Variants in ZNF804B observed in about 807,000 individuals in gnomAD.
ZNF804B encodes the protein zinc finger 804B.
In ZNF804B, 80 loss-of-function variants were observed where a neutral mutation model predicts 101.4. The ratio of observed to expected loss-of-function variants is 0.79; its 90% CI spans 0.66 to 0.95. ZNF804B has a LOEUF of 0.95. Ranked by LOEUF, ZNF804B falls within the 40% of genes least tolerant of loss-of-function variation. The probability of loss-of-function intolerance (pLI) is 0.00; values close to 1 mark genes in which losing one functional copy is unlikely to be tolerated. For synonymous variants in ZNF804B, 622 were observed against 558.8 expected (o/e 1.11, Z -1.59); for missense variants, 1,673 against 1,561.9 (o/e 1.07, Z -1.20).
chr7:89,333,781 A>G lies in ZNF804B; in HGVS notation c.799A>G (p.Arg267Gly). The G allele has an allele frequency of 6.2e-7, 1 of 1,612,920 alleles. No homozygotes were observed. Among genetic ancestry groups the G allele is most frequent in the African/African-American group, 1.3e-5 (1 of 74,962 alleles). Residue 267 changes from arginine to glycine, a missense_variant, in exon 4 of 4, where the codon AGG (arginine) becomes GGG (glycine). By Grantham distance (125) the Arg-to-Gly change is moderately radical. Coordinates refer to ENST00000333190, the MANE Select transcript of ZNF804B (RefSeq NM_181646.5). ...KQTADKCKCC[R>G]FANKDTHLTK... The stretch of plus-strand genomic sequence containing the variant: ...AACTGCAGATAAGTGCAAGTGCTGC[A>G]GGTTTGCAAATAAAGATACACACCT...
chr7:89,018,554 T>G (rs1338292745), intron 1 of ZNF804B, among the ~76,000 whole-genome samples: 1 of 152,078 alleles, frequency 6.6e-6, no homozygotes, highest in East Asian at 1.9e-4. Context: ...CTTGGAAGAA[T>G]TCCTTCCCCT....
intron 1 of ZNF804B, among the ~76,000 whole-genome samples, chr7:89,011,916 TG>T (rs755031618): frequency 9.2e-5 from 14 of 152,102 alleles, no homozygotes; most frequent in Non-Finnish European, 1.8e-4. Context: ...GGGGACACTG[TG>T]GGGGATCAAA....
chr7:89,034,555 C>G (rs2116236908), intron 1 of ZNF804B, among the ~76,000 whole-genome samples: 2 of 152,190 alleles, frequency 1.3e-5, no homozygotes, highest in East Asian at 3.9e-4. Context: ...CCAGCTTCAT[C>G]CATGTCCCTG....
chr7:89,159,878 G>A (rs1465597431), intron 1 of ZNF804B, among the ~76,000 whole-genome samples: 16 of 152,078 alleles, frequency 1.1e-4, no homozygotes, highest in Admixed American at 1.0e-3. Flanking sequence ...AAAGTCTTTG[G>A]ACACCTATCC....
At chr7:89,296,795 C>T (rs1334180241) in intron 2 of ZNF804B, among the ~76,000 whole-genome samples, 1 of 152,040 alleles carries the variant, frequency 6.6e-6, no homozygotes, top group Admixed American at 6.6e-5. Context: ...AAACAGAGAA[C>T]TTAATAGGTA....
chr7:89,007,594 T>C (rs1431929375), intron 1 of ZNF804B, among the ~76,000 whole-genome samples: 3 of 133,370 alleles, frequency 2.2e-5, no homozygotes, highest in Non-Finnish European at 4.7e-5. Flanking sequence ...ATTTATATAT[T>C]ATAATTATAT....
chr7:89,059,608 C>T (rs1489884722), intron 1 of ZNF804B, among the ~76,000 whole-genome samples: 1 of 152,110 alleles, frequency 6.6e-6, no homozygotes, highest in African/African-American at 2.4e-5. Flanking sequence ...GATCACATTT[C>T]AACATGAGAT....
At chr7:88,821,034 A>C (rs760922496) in intron 1 of ZNF804B, among the ~76,000 whole-genome samples, 4 of 152,188 alleles carry the variant, frequency 2.6e-5, no homozygotes, top group Non-Finnish European at 5.9e-5. Context: ...TCAAACCTCC[A>C]TGGGTATCTC....
At chr7:88,842,957 T>C (rs1791310502) in intron 1 of ZNF804B, among the ~76,000 whole-genome samples, 1 of 152,186 alleles carries the variant, frequency 6.6e-6, no homozygotes, top group Admixed American at 6.5e-5. Context: ...AATTGAAATA[T>C]GTTCATAATA....
At chr7:88,956,334 T>A (rs1401266353) in intron 1 of ZNF804B, among the ~76,000 whole-genome samples, 1 of 151,594 alleles carries the variant, frequency 6.6e-6, no homozygotes, top group Non-Finnish European at 1.5e-5. Flanking sequence ...GGAATCAATC[T>A]AAGTGTCCTA....
chr7:88,828,854 C>T (rs1791087072), intron 1 of ZNF804B, among the ~76,000 whole-genome samples: 1 of 151,840 alleles, frequency 6.6e-6, no homozygotes, highest in Admixed American at 6.6e-5. Flanking sequence ...TCTTAGATGC[C>T]ATCAAAGGTA....
intron 1 of ZNF804B, among the ~76,000 whole-genome samples, chr7:89,059,368 G>A (rs1789341658): frequency 1.3e-5 from 2 of 152,156 alleles, no homozygotes; most frequent in Admixed American, 6.5e-5. Flanking sequence ...TTCTGGTGAA[G>A]GCCTCAGGAA....
At chr7:89,211,095 G>A (rs1454984344) in intron 1 of ZNF804B, among the ~76,000 whole-genome samples, 1 of 152,184 alleles carries the variant, frequency 6.6e-6, no homozygotes, top group Admixed American at 6.5e-5. Flanking sequence ...AATGATCAGT[G>A]ATGTTGAGCT....
rs370950845 is a variant in ZNF804B, at chr7:89,196,930, G to A, written c.109-21225G>A. Among the ~76,000 whole-genome samples, 5 of 152,004 alleles carry A rather than the reference G, an allele frequency of 3.3e-5. No homozygotes were observed. In the South Asian group the frequency reaches 8.3e-4, roughly 25 times the overall value. ...AATCTACAATGAGAGAGCATCTCAC[G>A]CCAATCAGAATGGCTATTAGTAAAA... On this transcript the variant is annotated intron_variant, in intron 1 of 3. Transcript: ENST00000333190.
chr7:89,210,716 G>A (rs1788790375), intron 1 of ZNF804B, among the ~76,000 whole-genome samples: 1 of 152,128 alleles, frequency 6.6e-6, no homozygotes, highest in African/African-American at 2.4e-5. Flanking sequence ...TGGTGTCTAT[G>A]TACCACATTT....
At chr7:88,926,548 C>T (rs1792801100) in intron 1 of ZNF804B, among the ~76,000 whole-genome samples, 1 of 151,874 alleles carries the variant, frequency 6.6e-6, no homozygotes. Context: ...GAGGAGGTTA[C>T]ACTGAGCCGA....
chr7:88,940,186 A>G (rs893258439), intron 1 of ZNF804B, among the ~76,000 whole-genome samples: 19 of 152,148 alleles, frequency 1.2e-4, no homozygotes, highest in Middle Eastern at 3.4e-3. Flanking sequence ...GAGGAGAGCA[A>G]TCAGATACAT....
intron 1 of ZNF804B, among the ~76,000 whole-genome samples, chr7:89,154,260 G>A (rs1034222406): frequency 6.6e-6 from 1 of 152,050 alleles, no homozygotes; most frequent in Non-Finnish European, 1.5e-5. Context: ...TATAGAAAAG[G>A]GAACACTTAT....
intron 1 of ZNF804B, among the ~76,000 whole-genome samples, chr7:89,067,526 C>G (rs548104033): frequency 1.3e-5 from 2 of 152,288 alleles, no homozygotes; most frequent in African/African-American, 2.4e-5. Context: ...TAAGCCTAGT[C>G]TAGCCCAGCG....
Sources: gnomAD v4.1 joint callset for allele counts (sites outside exome capture counted in the v4.1 genomes callset) on GRCh38, gnomAD v4.1.1 for gene constraint, MANE v1.5 for transcripts, NCBI Gene and HGNC (gene_info 2026-07-23, HGNC 2026-07-21) for gene names.